PRDM1: variants seen among roughly 807,000 people sequenced by gnomAD.
PRDM1 encodes PR domain zinc finger protein 1.
Under a neutral mutation model 62.8 loss-of-function variants are expected in PRDM1, and 13 were observed. That is an observed-to-expected ratio of 0.21 (90% CI 0.13 to 0.33). The LOEUF (loss-of-function observed/expected upper bound fraction) is 0.33. Ranked by LOEUF, PRDM1 falls within the 10% of genes least tolerant of loss-of-function variation. The pLI, the probability that PRDM1 is intolerant of heterozygous loss-of-function variation, is 1.00. For synonymous variants in PRDM1, 396 were observed against 417.6 expected (o/e 0.95, Z 0.63); for missense variants, 895 against 1,058.8 (o/e 0.85, Z 2.15).
chr6:106,003,809 A>T (rs4946715), intron 1 of PRDM1, among the ~76,000 whole-genome samples: 1 of 152,142 alleles, frequency 6.6e-6, no homozygotes. Context: ...TCCAGATCTT[A>T]CTTATTTTTG....
chr6:106,079,622 AC>A (rs1773661675), intron 1 of PRDM1, among the ~76,000 whole-genome samples: 1 of 152,142 alleles, frequency 6.6e-6, no homozygotes, highest in Non-Finnish European at 1.5e-5. Flanking sequence ...ACATGGTAAA[AC>A]CCTGTCTCTA....
intron 4 of PRDM1, among the ~76,000 whole-genome samples, chr6:106,101,993 C>CT (rs1313920524): frequency 1.3e-5 from 2 of 152,158 alleles, no homozygotes; most frequent in African/African-American, 2.4e-5. Context: ...TTCTATCTAT[C>CT]TAACTAACCC....
intron 1 of PRDM1, among the ~76,000 whole-genome samples, chr6:105,997,163 TG>T (rs1207094761): frequency 1.3e-5 from 2 of 152,356 alleles, no homozygotes; most frequent in African/African-American, 4.8e-5. Flanking sequence ...TCCAAATGAA[TG>T]GGCCTTACCA....
intron 1 of PRDM1, among the ~76,000 whole-genome samples, chr6:106,033,569 G>A (rs1430178738): frequency 6.6e-6 from 1 of 151,900 alleles, no homozygotes; most frequent in Non-Finnish European, 1.5e-5. Flanking sequence ...TCCCACCTAG[G>A]CCTCCCAAAG....
chr6:106,094,366 C>T (rs984632434), intron 2 of PRDM1, among the ~76,000 whole-genome samples: 7 of 152,188 alleles, frequency 4.6e-5, no homozygotes, highest in Non-Finnish European at 8.8e-5. Flanking sequence ...ACTGTAACTG[C>T]AAACTGTTGT....
At chr6:106,058,436 A>G (rs1384578518) in intron 1 of PRDM1, among the ~76,000 whole-genome samples, 1 of 152,082 alleles carries the variant, frequency 6.6e-6, no homozygotes, top group Non-Finnish European at 1.5e-5. Context: ...CTCCTAATAT[A>G]TCATATTGAG....
Position 106,108,423 on chromosome 6 carries a change from A to C in PRDM1, c.*937A>C, listed in dbSNP as rs1186033744. 1 of 233,396 alleles carries C rather than the reference A, an allele frequency of 4.3e-6. No individual in the cohort carries two copies. Among genetic ancestry groups the C allele is most frequent in the Admixed American group, 5.6e-5 (1 of 17,748 alleles). 14.5% of individuals were successfully genotyped at this position (233,396 alleles called of 1,614,324 possible). A position where few individuals can be genotyped will look rare whatever the true frequency, so the allele number is the denominator to read the frequency against. ...GAAGAAGAAAAAAATGCCATGTTTT[A>C]AAACCACTGCGAAAATTTCCCCAAA... is the stretch of plus-strand genomic sequence containing the variant. On this transcript the variant is annotated 3_prime_UTR_variant, in exon 7 of 7. Transcript: ENST00000369096.
chr6:106,033,692 A>G (rs914681105), intron 1 of PRDM1, among the ~76,000 whole-genome samples: 1 of 152,028 alleles, frequency 6.6e-6, no homozygotes, highest in African/African-American at 2.4e-5. Context: ...TATAAGGGAT[A>G]TTGGTCTGCA....
chr6:106,058,180 G>A (rs1773293429), intron 1 of PRDM1, among the ~76,000 whole-genome samples: 1 of 152,140 alleles, frequency 6.6e-6, no homozygotes, highest in African/African-American at 2.4e-5. Flanking sequence ...CCACAGAGTG[G>A]GCAGCTTGTA....
intron 2 of PRDM1, among the ~76,000 whole-genome samples, chr6:106,089,260 A>G (rs553723326): frequency 6.6e-6 from 1 of 152,324 alleles, no homozygotes; most frequent in South Asian, 2.1e-4. Flanking sequence ...TGCACTTACT[A>G]GTCTACTACT....
intron 1 of PRDM1, among the ~76,000 whole-genome samples, chr6:106,013,486 C>A (rs1230578009): frequency 6.6e-6 from 1 of 151,956 alleles, no homozygotes; most frequent in African/African-American, 2.4e-5. Flanking sequence ...TGCCACAACA[C>A]TCGGCTAATT....
At chr6:106,000,891 C>A (rs893330431) in intron 1 of PRDM1, among the ~76,000 whole-genome samples, 3 of 152,130 alleles carry the variant, frequency 2.0e-5, no homozygotes, top group Admixed American at 2.0e-4. Flanking sequence ...TTCTAGGATA[C>A]CACATAGAAA....
chr6:106,087,998 T>TAAA, intron 1 of PRDM1: 1 of 221,110 alleles, frequency 4.5e-6, no homozygotes, highest in Non-Finnish European at 8.8e-6. Context: ...TTTTTTTTTT[T>TAAA]TTAACTAAGA....
exon 1 of PRDM1, among the ~76,000 whole-genome samples, chr6:105,993,554 G>C (rs910783728): frequency 2.0e-5 from 3 of 152,222 alleles, no homozygotes; most frequent in African/African-American, 7.2e-5. Flanking sequence ...AAGATTGCTG[G>C]GTTTCCTGCT....
chr6:106,058,566 A>G (rs577527379), intron 1 of PRDM1, among the ~76,000 whole-genome samples: 42 of 151,990 alleles, frequency 2.8e-4, no homozygotes, highest in African/African-American at 1.0e-3. Context: ...TAGCCAGCAT[A>G]TTTCTTTCTT....
chr6:106,056,884 G>A (rs532869774), intron 1 of PRDM1, among the ~76,000 whole-genome samples: 5 of 152,102 alleles, frequency 3.3e-5, no homozygotes, highest in South Asian at 2.1e-4. Context: ...GCTTGGGAAG[G>A]TGCCCAAGTT....
intron 1 of PRDM1, among the ~76,000 whole-genome samples, chr6:106,004,213 T>C (rs1455474825): frequency 6.6e-6 from 1 of 152,008 alleles, no homozygotes; most frequent in Non-Finnish European, 1.5e-5. Context: ...GGCATCTAGA[T>C]AGAAAGCTGC....
At chr6:106,014,561 TTAATC>T (rs1329682656) in intron 1 of PRDM1, among the ~76,000 whole-genome samples, 6 of 151,710 alleles carry the variant, frequency 4.0e-5, no homozygotes, top group African/African-American at 1.4e-4. Flanking sequence ...TGATCTACGT[TTAATC>T]TATAATGTAA....
chr6:106,100,471 C>G (rs940007590), intron 4 of PRDM1: 1 of 152,210 alleles, frequency 6.6e-6, no homozygotes, highest in Non-Finnish European at 1.5e-5. Context: ...TTTCCACTTA[C>G]CCTTTACCCA....
Sources: gnomAD v4.1 joint callset for allele counts (sites outside exome capture counted in the v4.1 genomes callset) on GRCh38, gnomAD v4.1.1 for gene constraint, MANE v1.5 for transcripts, NCBI Gene and HGNC (gene_info 2026-07-23, HGNC 2026-07-21) for gene names.